The following TBC1D32 variants were observed in gnomAD, a reference collection of about 807,000 sequenced individuals.
The protein encoded by TBC1D32 is protein broad-minded.
TBC1D32 carries 151 observed loss-of-function variants against 170.3 expected under a neutral mutation model. The ratio of observed to expected loss-of-function variants is 0.89; its 90% CI spans 0.78 to 1.01. The LOEUF is 1.01. TBC1D32 is among the 50% of genes least tolerant of loss of function. The probability of loss-of-function intolerance (pLI) is 0.00; values close to 1 mark genes in which losing one functional copy is unlikely to be tolerated. For missense variants in TBC1D32, 1,464 were observed against 1,457.1 expected, an observed-to-expected ratio of 1.00 and a Z score of -0.08; for synonymous variants, 498 against 488.0, an observed-to-expected ratio of 1.02 and a Z score of -0.27.
At position 121,205,298 on chromosome 6, in the gene TBC1D32, TAAG is replaced by T. The variant is rs774298734; in HGVS notation, c.2482-138_2482-136del. On this transcript the variant is annotated intron_variant, in intron 21 of 31. Transcript: ENST00000398212. ...AAATCACCTGGGGAGCTGTAAATAA[TAAG>T]AAGAAGAAGAAGAAGAAGAATAATA... is the stretch of plus-strand genomic sequence containing the variant. 2,261 of 464,486 alleles carry T rather than the reference TAAG, an allele frequency of 4.9e-3. 44 individuals carry two copies. Among genetic ancestry groups the T allele is most frequent in the African/African-American group, 0.043 (2,071 of 48,548 alleles). 28.8% of individuals were successfully genotyped at this position (464,486 alleles called of 1,614,324 possible).
chr6:121,155,645 G>T (rs1784784319), intron 24 of TBC1D32, among the ~76,000 whole-genome samples: 1 of 152,082 alleles, frequency 6.6e-6, no homozygotes, highest in Non-Finnish European at 1.5e-5. Context: ...CTGTGGATTT[G>T]TCATAGATGG....
chr6:121,170,745 T>A (rs1786866471), intron 22 of TBC1D32, among the ~76,000 whole-genome samples: 1 of 152,030 alleles, frequency 6.6e-6, no homozygotes, highest in Non-Finnish European at 1.5e-5. Flanking sequence ...TAATTTCCAA[T>A]CTAGATTTTT....
At chr6:121,087,214 C>G (rs1776349233) in intron 31 of TBC1D32, among the ~76,000 whole-genome samples, 1 of 152,206 alleles carries the variant, frequency 6.6e-6, no homozygotes, top group Non-Finnish European at 1.5e-5. Context: ...AGGCGTTCAT[C>G]TAATCTTTCA....
At chr6:121,096,819 A>G (rs1777470622) in intron 30 of TBC1D32, among the ~76,000 whole-genome samples, 1 of 152,156 alleles carries the variant, frequency 6.6e-6, no homozygotes, top group African/African-American at 2.4e-5. Context: ...ACAGTAACCA[A>G]AACAACATGG....
chr6:121,256,748 C>T (rs902450905), intron 15 of TBC1D32, among the ~76,000 whole-genome samples: 3 of 151,250 alleles, frequency 2.0e-5, no homozygotes, highest in Non-Finnish European at 4.4e-5. Flanking sequence ...GCGGTCTTGG[C>T]TCACTCTGCC....
At chr6:121,313,885 T>C (rs1412698203) in intron 3 of TBC1D32, among the ~76,000 whole-genome samples, 1 of 152,140 alleles carries the variant, frequency 6.6e-6, no homozygotes, top group Admixed American at 6.5e-5. Flanking sequence ...TTGTAGAGCT[T>C]TGAAGATTTT....
intron 17 of TBC1D32, among the ~76,000 whole-genome samples, 187 bp downstream of exon 17, chr6:121,255,141 G>A (rs1209085115): frequency 6.6e-6 from 1 of 151,814 alleles, no homozygotes; most frequent in Non-Finnish European, 1.5e-5. Flanking sequence ...AATATTGTTA[G>A]ATTTTAAAAA....
At chr6:121,261,056 CA>C (rs1799699952) in intron 15 of TBC1D32, among the ~76,000 whole-genome samples, 1 of 152,116 alleles carries the variant, frequency 6.6e-6, no homozygotes, top group Non-Finnish European at 1.5e-5. Flanking sequence ...GATGCTGACT[CA>C]ACCCTCCTCA....
chr6:121,231,106 G>T lies in TBC1D32; in HGVS notation c.2365-7754C>A, dbSNP rs1795678645. ...TCCAATTCCATCCAGGTTCCTGGATGTTGCTGGAGTTGATTTTTGCATAAG... is the reference window on the plus strand; with the variant it reads ...TCCAATTCCATCCAGGTTCCTGGATTTTGCTGGAGTTGATTTTTGCATAAG... On this transcript the variant is annotated intron_variant, in intron 20 of 31. Transcript: ENST00000398212. Among the ~76,000 whole-genome samples, 4 of 152,058 alleles carry T rather than the reference G, an allele frequency of 2.6e-5. 1 individual carries two copies. The South Asian group carries it at 8.3e-4, about 32-fold the overall frequency.
chr6:121,223,130 C>T (rs960465097), intron 21 of TBC1D32, 106 bp downstream of exon 21: 4 of 687,964 alleles, frequency 5.8e-6, no homozygotes, highest in African/African-American at 3.8e-5. Flanking sequence ...CCTTAAATGC[C>T]ATTACATAAT....
chr6:121,226,021 C>T (rs1405826259), intron 20 of TBC1D32, among the ~76,000 whole-genome samples: 2 of 151,998 alleles, frequency 1.3e-5, no homozygotes, highest in South Asian at 2.1e-4. Context: ...GAAAAGTCAA[C>T]GTTTGATATA....
intron 15 of TBC1D32, among the ~76,000 whole-genome samples, chr6:121,257,102 T>G (rs2128398068): frequency 6.6e-6 from 1 of 152,334 alleles, no homozygotes; most frequent in African/African-American, 2.4e-5. Flanking sequence ...CACTGATTTG[T>G]TGGAAAAACA....
chr6:121,310,851 T>G lies in TBC1D32; in HGVS notation c.496-4A>C. 6.6e-7 allele frequency: 1 copy of G among 1,518,820 alleles called. No homozygotes were observed. The highest frequency in any genetic ancestry group is 9.1e-7 in the Non-Finnish European group (1 of 1,097,940). The allele number at this position is 1,518,820 out of a possible 1,614,324, so 94.1% of individuals were successfully genotyped here. A position where few individuals can be genotyped will look rare whatever the true frequency, so the allele number is the denominator to read the frequency against. ...TTCCTTGACAAAATTTGTAACTCTG[T>G]AACACAATTGTCAGGACATTCATTT... On this transcript the variant is annotated splice_region_variant and splice_polypyrimidine_tract_variant and intron_variant, in intron 3 of 31. Coordinates refer to ENST00000398212, the MANE Select transcript of TBC1D32 (RefSeq NM_152730.6).
intron 20 of TBC1D32, among the ~76,000 whole-genome samples, chr6:121,224,042 T>C (rs1353316602): frequency 1.3e-5 from 2 of 152,188 alleles, no homozygotes; most frequent in Non-Finnish European, 2.9e-5. Flanking sequence ...TTAGCATGGC[T>C]TTCAAGGCAC....
At chr6:121,332,567 T>C (rs1215284769) in intron 1 of TBC1D32, among the ~76,000 whole-genome samples, 3 of 152,078 alleles carry the variant, frequency 2.0e-5, no homozygotes, top group African/African-American at 7.2e-5. Flanking sequence ...TCCCAGAATA[T>C]GATACTAGCA....
At chr6:121,162,237 C>T (rs930947751) in intron 22 of TBC1D32, among the ~76,000 whole-genome samples, 3 of 152,148 alleles carry the variant, frequency 2.0e-5, no homozygotes, top group Non-Finnish European at 4.4e-5. Context: ...GTTGCCATTG[C>T]TTTTGGCATC....
At chr6:121,170,527 C>A (rs369786259) in intron 22 of TBC1D32, 1 of 1,521,690 alleles carries the variant, frequency 6.6e-7, no homozygotes, top group Non-Finnish European at 8.8e-7. Context: ...CACTTAATAA[C>A]CTATATAAAA....
At chr6:121,307,115 C>T (rs903927662) in intron 5 of TBC1D32, among the ~76,000 whole-genome samples, 2 of 152,028 alleles carry the variant, frequency 1.3e-5, no homozygotes, top group African/African-American at 2.4e-5. Flanking sequence ...TGGCTCAAGC[C>T]TGTAATCCCA....
At chr6:121,312,218 A>C (rs531809909) in intron 3 of TBC1D32, among the ~76,000 whole-genome samples, 2 of 152,128 alleles carry the variant, frequency 1.3e-5, no homozygotes, top group Non-Finnish European at 2.9e-5. Context: ...GGGGAGGGAG[A>C]GCATTAGGAC....
Sources: allele counts gnomAD v4.1 joint callset (sites outside exome capture counted in the v4.1 genomes callset), GRCh38; gene constraint gnomAD v4.1.1; transcripts MANE v1.5; gene names NCBI Gene and HGNC (gene_info 2026-07-23, HGNC 2026-07-21).